Variants in SIRT2 observed in about 807,000 individuals in gnomAD.
The protein encoded by SIRT2 is NAD-dependent protein deacetylase sirtuin-2.
SIRT2 carries 40 observed loss-of-function variants against 57.4 expected under a neutral mutation model. That is an observed-to-expected ratio of 0.70 (90% confidence interval 0.54 to 0.91). SIRT2 has a LOEUF of 0.91. Ranked by LOEUF, SIRT2 falls within the 40% of genes least tolerant of loss-of-function variation. The pLI is 0.00. For missense variants in SIRT2, 439 were observed against 510.4 expected (o/e 0.86, Z 1.35); for synonymous variants, 161 against 195.7 (o/e 0.82, Z 1.48).
chr19:38,882,707 A>T (rs57981781), intron 9 of SIRT2, among the ~76,000 whole-genome samples: 8,780 of 124,090 alleles, frequency 0.071, 794 homozygotes, highest in African/African-American at 0.22. Context: ...TCATTTGCTC[A>T]ACTGTCCATT....
Position 38,881,485 on chromosome 19 carries a change from A to G in SIRT2, c.638T>C (p.Ile213Thr). 6.2e-7 allele frequency: 1 copy of G among 1,613,760 alleles called. No individual in the cohort carries two copies. The highest frequency in any genetic ancestry group is 8.5e-7 in the Non-Finnish European group (1 of 1,179,836). ...ACACTTGGGCGTCACCTCAGAGAAGATCTTCTCTGGGTATGGGGAAGGGGA... is the reference window on the plus strand; with the variant it reads ...ACACTTGGGCGTCACCTCAGAGAAGGTCTTCTCTGGGTATGGGGAAGGGGA... Reference protein sequence around the residue: ...EYPLSWMKEKIFSEVTPKCED... With the variant: ...EYPLSWMKEKTFSEVTPKCED... The change falls in exon 10 of 16, where the codon ATC becomes ACC. Residue 213 changes from isoleucine (I) to threonine (T), a missense_variant. Coordinates refer to ENST00000249396, the MANE Select transcript of SIRT2 (RefSeq NM_012237.4).
chr19:38,898,305 T>C, intron 2 of SIRT2, 74 bp downstream of exon 2: 1 of 1,191,218 alleles, frequency 8.4e-7, no homozygotes, highest in Non-Finnish European at 1.1e-6. Flanking sequence ...GTTTCCCCTT[T>C]GCCACCTCCC....
At chr19:38,884,284 T>A (rs543087918) in intron 8 of SIRT2, among the ~76,000 whole-genome samples, 52 of 152,312 alleles carry the variant, frequency 3.4e-4, no homozygotes, top group African/African-American at 1.2e-3. Context: ...CTGTCATTAA[T>A]TGCTGAAATT....
At chr19:38,897,951 G>A (rs185011164) in intron 2 of SIRT2, among the ~76,000 whole-genome samples, 4 of 152,240 alleles carry the variant, frequency 2.6e-5, no homozygotes, top group Admixed American at 2.0e-4. Context: ...CGATCCTCGC[G>A]CCTCAGTCTC....
intron 14 of SIRT2, 37 bp from the exon 15 acceptor site, chr19:38,879,537 C>A: frequency 6.4e-7 from 1 of 1,574,770 alleles, no homozygotes. Flanking sequence ...CCCAGGCGGG[C>A]TCGCCCCTGC....
chr19:38,898,424 G>A lies in SIRT2; in HGVS notation c.18C>T (p.Pro6=). Residue 6 remains proline (P), a splice_region_variant and synonymous_variant, in exon 2 of 16, where the codon CCC becomes CCT. Coordinates refer to ENST00000249396, the MANE Select transcript of SIRT2 (RefSeq NM_012237.4). MAEPD[P]SHPLETQAGK... ...CTGCCTGGGTCTCCAGAGGGTGAGA[G>A]GCTGGGGGAGGGGAGCAGAGGTGGT... The A allele has an allele frequency of 4.6e-6, 7 of 1,537,210 alleles. No individual in the cohort carries two copies. Among genetic ancestry groups the A allele is most frequent in the Non-Finnish European group, 6.2e-6 (7 of 1,132,412 alleles).
At position 38,898,394 on chromosome 19, in the gene SIRT2, CT is replaced by C; in HGVS notation, c.47del (p.Lys16ArgfsTer47). The stretch of plus-strand genomic sequence containing the variant: ...CCCATCTCACCTGAGCCTCCTGCAC[CT>C]TCCCTGCCTGGGTCTCCAGAGGGTG... ...PSHPLETQAG[K>X]VQEAQDSDSD... On this transcript the variant is annotated frameshift_variant, in exon 2 of 16. Transcript: ENST00000249396. LOFTEE classifies it high-confidence loss of function. The C allele has an allele frequency of 6.4e-7, 1 of 1,554,642 alleles. No individual in the cohort carries two copies. The highest frequency in any genetic ancestry group is 1.2e-5 in the South Asian group (1 of 83,760).
chr19:38,881,399 T>G (rs761246808), intron 10 of SIRT2, 33 bp downstream of exon 10: 1 of 1,610,130 alleles, frequency 6.2e-7, no homozygotes, highest in South Asian at 1.1e-5. Context: ...CCCACCCAAA[T>G]CCACCTGGGC....
intron 7 of SIRT2, 125 bp from the exon 8 acceptor site, chr19:38,889,280 G>A (rs553895299): frequency 4.8e-5 from 40 of 826,298 alleles, no homozygotes; most frequent in Non-Finnish European, 7.3e-5. Flanking sequence ...CAGCAGCCGC[G>A]TCGGGGAGAG....
In SIRT2 at chr19:38,882,562, G is replaced by A. The variant is rs146980060; in HGVS notation, c.631+1065C>T. 3.6e-3 allele frequency among the ~76,000 whole-genome samples: 546 copies of A among 151,988 alleles called. 4 individuals carry two copies. The highest frequency in any genetic ancestry group is 0.012 in the African/African-American group (513 of 41,438). Reference sequence around the variant, plus strand: ...AGGCAGGGAGAATTGCTTGAACCCGGGAGGCGGAGGTTGCAGTGAGCCGAG... The same window carrying A: ...AGGCAGGGAGAATTGCTTGAACCCGAGAGGCGGAGGTTGCAGTGAGCCGAG... On this transcript the variant is annotated intron_variant, in intron 9 of 15. Transcript: ENST00000249396.
At chr19:38,883,901 G>A in intron 8 of SIRT2, 145 bp from the exon 9 acceptor site, 1 of 801,490 alleles carries the variant, frequency 1.2e-6, no homozygotes, top group Non-Finnish European at 2.0e-6. Context: ...AAGTGGCAGG[G>A]TTTATCTGAA....
intron 13 of SIRT2, 122 bp from the exon 14 acceptor site, chr19:38,879,824 T>C (rs754515048): frequency 1.1e-4 from 79 of 721,370 alleles, no homozygotes; most frequent in Non-Finnish European, 1.8e-4. Context: ...TTTTTGTTGT[T>C]GTTTTTTTGG....
chr19:38,896,431 T>G (rs999973438), intron 2 of SIRT2, among the ~76,000 whole-genome samples: 1 of 152,204 alleles, frequency 6.6e-6, no homozygotes, highest in Non-Finnish European at 1.5e-5. Context: ...TTGCCCAGGC[T>G]GGTCTCAAAA....
In SIRT2 at chr19:38,889,840, TGG is replaced by T. The variant is rs1973469178; in HGVS notation, c.375+13_375+14del. The T allele has an allele frequency of 6.2e-7, 1 of 1,612,866 alleles. No homozygotes were observed. The highest frequency in any genetic ancestry group is 8.5e-7 in the Non-Finnish European group (1 of 1,178,994). ...CCCACCCCTCACAGACGCCCCTTCC[TGG>T]GGGAGCACAAACCTTGAAATAGCTG... On this transcript the variant is annotated intron_variant, in intron 6 of 15. Coordinates refer to ENST00000249396, the MANE Select transcript of SIRT2 (RefSeq NM_012237.4).
intron 2 of SIRT2, chr19:38,894,489 G>A: frequency 4.3e-6 from 1 of 234,322 alleles, no homozygotes; most frequent in Non-Finnish European, 8.5e-6. Flanking sequence ...CAGGGGCGGG[G>A]GAAGTGCTTG....
intron 2 of SIRT2, chr19:38,894,925 T>A: frequency 2.2e-6 from 1 of 456,084 alleles, no homozygotes; most frequent in South Asian, 1.5e-5. Context: ...CCTGGACACC[T>A]TGCCCTAGGT....
chr19:38,889,180 C>T, intron 7 of SIRT2, 25 bp from the exon 8 acceptor site: 1 of 1,608,418 alleles, frequency 6.2e-7, no homozygotes, highest in Non-Finnish European at 8.5e-7. Context: ...GACAGCACTG[C>T]TGACGACTGC....
At chr19:38,887,958 G>A (rs1313787440) in intron 8 of SIRT2, among the ~76,000 whole-genome samples, 1 of 151,960 alleles carries the variant, frequency 6.6e-6, no homozygotes, top group Non-Finnish European at 1.5e-5. Context: ...ATTTCATGAT[G>A]TTGGACAGGC....
At chr19:38,881,907 C>T (rs978928961) in intron 9 of SIRT2, among the ~76,000 whole-genome samples, 1 of 151,868 alleles carries the variant, frequency 6.6e-6, no homozygotes, top group Non-Finnish European at 1.5e-5. Context: ...AGGCTGGTCT[C>T]AAACTCCTGG....
Sources: allele counts gnomAD v4.1 joint callset (sites outside exome capture counted in the v4.1 genomes callset), GRCh38; gene constraint gnomAD v4.1.1; transcripts MANE v1.5; gene names NCBI Gene and HGNC (gene_info 2026-07-23, HGNC 2026-07-21).